PRDM16: variants seen among roughly 807,000 people sequenced by gnomAD.
PRDM16 encodes the protein histone-lysine N-methyltransferase PRDM16.
A neutral mutation model predicts 110.6 loss-of-function variants in PRDM16; 23 were observed. The observed-to-expected ratio is 0.21, with a 90% CI of 0.15 to 0.29. The LOEUF (loss-of-function observed/expected upper bound fraction) is 0.29, where lower values mean the gene tolerates loss of function less well. Ranked by LOEUF, PRDM16 falls within the 10% of genes least tolerant of loss-of-function variation. The pLI is 1.00. For missense variants in PRDM16, 1,615 were observed against 1,794.3 expected (o/e 0.90, Z 1.81); for synonymous variants, 799 against 781.8 (o/e 1.02, Z -0.37).
At chr1:3,114,385 G>GACGCGCACGCACGCGC (rs1270368872) in intron 1 of PRDM16, among the ~76,000 whole-genome samples, 12 of 117,380 alleles carry the variant, frequency 1.0e-4, no homozygotes, top group Non-Finnish European at 1.7e-4. Flanking sequence ...GGTGTAAACA[G>GACGCGCACGCACGCGC]ACGCGCACGC....
Position 3,412,322 on chromosome 1 carries a change from A to G in PRDM16, c.2125A>G (p.Met709Val). ...CGAGAAGTACTTTGGCCCCGGCTTC[A>G]TGGGGATGCAGGAGAAGAAGCTGGG... ...IAEKYFGPGFMGMQEKKLGSL... is the reference protein window; with the variant it reads ...IAEKYFGPGFVGMQEKKLGSL... The change falls in exon 9 of 17, where the codon ATG becomes GTG. Residue 709 changes from methionine (M) to valine (V), a missense_variant. Around this residue, in one of 5 missense-constraint regions of PRDM16, gnomAD observed 772 missense variants for 748.3 expected, o/e 1.03. Transcript: ENST00000270722. The G allele has an allele frequency of 6.2e-7, 1 of 1,613,820 alleles. No homozygotes were observed. Among genetic ancestry groups the G allele is most frequent in the Non-Finnish European group, 8.5e-7 (1 of 1,180,012 alleles).
At chr1:3,340,543 G>C (rs1258100668) in intron 3 of PRDM16, among the ~76,000 whole-genome samples, 1 of 152,106 alleles carries the variant, frequency 6.6e-6, no homozygotes, top group East Asian at 1.9e-4. Flanking sequence ...TACCATCTAC[G>C]TTTTTCCCCC....
chr1:3,319,361 G>A lies in PRDM16; in HGVS notation c.439-65791G>A, dbSNP rs762678028. ...AAAAAGGTCACTGTTTTATTCTGAC[G>A]TCCTTGGGTATTTATTCCAAAATGT... On this transcript the variant is annotated intron_variant, in intron 3 of 16. Coordinates refer to ENST00000270722, the MANE Select transcript of PRDM16 (RefSeq NM_022114.4). 2.6e-4 allele frequency among the ~76,000 whole-genome samples: 40 copies of A among 152,350 alleles called. 1 individual carries two copies. The highest frequency in any genetic ancestry group is 5.6e-4 in the Non-Finnish European group (38 of 68,032).
intron 3 of PRDM16, among the ~76,000 whole-genome samples, chr1:3,326,790 G>A (rs1025962276): frequency 4.6e-5 from 7 of 152,214 alleles, no homozygotes; most frequent in Non-Finnish European, 8.8e-5. Context: ...ACCAGCCGCC[G>A]CGTGGCCTGA....
In PRDM16 at chr1:3,425,897, C is replaced by T. The variant is rs1417654390; in HGVS notation, c.3109+147C>T. ...GGAAGCCAACAGGCACCCCTCAAAC[C>T]GTGGTCATTAAAGAGAACCTCGTGC... On this transcript the variant is annotated intron_variant, in intron 13 of 16. Transcript: ENST00000270722. This position sits in a 1 kb window ranked among gnomAD's most constrained non-coding sequence, Gnocchi z 6.9. 21 of 1,256,418 alleles carry T rather than the reference C, an allele frequency of 1.7e-5. No individual in the cohort carries two copies. Among genetic ancestry groups the T allele is most frequent in the South Asian group, 2.9e-5 (2 of 68,336 alleles). 77.8% of individuals were successfully genotyped at this position (1,256,418 alleles called of 1,614,324 possible). A position where few individuals can be genotyped will look rare whatever the true frequency, so the allele number is the denominator to read the frequency against.
At chr1:3,376,182 G>A (rs569365634) in intron 3 of PRDM16, among the ~76,000 whole-genome samples, 13 of 152,298 alleles carry the variant, frequency 8.5e-5, no homozygotes, top group African/African-American at 2.6e-4. Flanking sequence ...TGACCCCTGG[G>A]GGCTTCCACA....
intron 6 of PRDM16, 136 bp downstream of exon 6, chr1:3,403,134 C>A: frequency 1.2e-6 from 1 of 829,916 alleles, no homozygotes; most frequent in Non-Finnish European, 2.0e-6. Flanking sequence ...AGACAAAGGG[C>A]CCCCTGGTGG....
At chr1:3,234,332 C>T (rs1350435121) in intron 2 of PRDM16, among the ~76,000 whole-genome samples, 1 of 152,120 alleles carries the variant, frequency 6.6e-6, no homozygotes, top group Admixed American at 6.5e-5. Flanking sequence ...CTCTTGTCCC[C>T]GGGGCCCTGA....
rs142435829 is a variant in PRDM16 at position 3,205,506 on chromosome 1, G to T, written c.387+19032G>T. On this transcript the variant is annotated intron_variant, in intron 2 of 16. Transcript: ENST00000270722. The stretch of plus-strand genomic sequence containing the variant: ...AATGGACCAGCCAGAAACCCAAAAG[G>T]CCAGGAAAACAGAGGTGGGGGGCAG... Among the ~76,000 whole-genome samples the T allele has an allele frequency of 6.4e-3, 968 of 152,246 alleles. 7 individuals carry two copies. The highest frequency in any genetic ancestry group is 0.016 in the South Asian group (76 of 4,810).
chr1:3,133,058 T>C (rs1643366421), intron 1 of PRDM16: 1 of 152,292 alleles, frequency 6.6e-6, no homozygotes, highest in African/African-American at 2.4e-5. Context: ...CGTTCTGCCG[T>C]GCCTCTGACT....
intron 3 of PRDM16, among the ~76,000 whole-genome samples, chr1:3,351,688 C>T (rs112478788): frequency 1.5e-5 from 1 of 67,578 alleles, no homozygotes; most frequent in Non-Finnish European, 3.2e-5. Flanking sequence ...CTCTTTCTCT[C>T]CTCCCTCTGT....
chr1:3,101,255 G>A (rs1467787862), intron 1 of PRDM16, among the ~76,000 whole-genome samples: 2 of 152,146 alleles, frequency 1.3e-5, no homozygotes, highest in East Asian at 1.9e-4. Flanking sequence ...CCCATCCAAC[G>A]CACCTCAGCT....
chr1:3,360,343 C>T (rs573839457), intron 3 of PRDM16, among the ~76,000 whole-genome samples: 4 of 152,310 alleles, frequency 2.6e-5, no homozygotes, highest in African/African-American at 9.6e-5. Context: ...ATGGAGCACC[C>T]TCATGCTCTG....
At chr1:3,405,425 T>C in intron 7 of PRDM16, 70 bp from the exon 8 acceptor site, 2 of 1,473,144 alleles carry the variant, frequency 1.4e-6, no homozygotes, top group Non-Finnish European at 1.8e-6. Context: ...AGCCGGTTGG[T>C]CCGCCAGCCA....
intron 1 of PRDM16, among the ~76,000 whole-genome samples, chr1:3,171,656 T>C (rs1331473087): frequency 6.6e-6 from 1 of 152,174 alleles, no homozygotes; most frequent in East Asian, 1.9e-4. Context: ...TGTCCTGCCC[T>C]CCTCGGGCTG....
In PRDM16 at chr1:3,436,697, C is replaced by T. The variant is rs572913385; in HGVS notation, c.*2886C>T. 4 of 231,726 alleles carry T rather than the reference C, an allele frequency of 1.7e-5. No individual in the cohort carries two copies. The highest frequency in any genetic ancestry group is 5.6e-5 in the Admixed American group (1 of 17,744). 14.4% of individuals were successfully genotyped at this position (231,726 alleles called of 1,614,324 possible). On this transcript the variant is annotated 3_prime_UTR_variant, in exon 17 of 17. Transcript: ENST00000270722. Reference sequence around the variant, plus strand: ...ATGACAAGGGCCAGGGAGCCTGGCCCGGGTGTGAGAATTCAGAGATTCTGG... The same window carrying T: ...ATGACAAGGGCCAGGGAGCCTGGCCTGGGTGTGAGAATTCAGAGATTCTGG...
intron 10 of PRDM16, among the ~76,000 whole-genome samples, chr1:3,415,793 G>A (rs891054718): frequency 1.3e-5 from 2 of 152,248 alleles, no homozygotes; most frequent in Admixed American, 6.5e-5. Flanking sequence ...AGGAGGTGGG[G>A]GGCGGGAAGA....
rs1449164189 is a variant in PRDM16, at chr1:3,408,579, CGT to C, written c.1187-2801_1187-2800del. Among the ~76,000 whole-genome samples the C allele has an allele frequency of 6.2e-5, 8 of 129,998 alleles. No homozygotes were observed. In the East Asian group the frequency reaches 1.1e-3, roughly 18 times the overall value. 85.3% of individuals were successfully genotyped at this position (129,998 alleles called of 152,430 possible). ...GTGCATGTGTCGGTGCGTGTGAGAG[CGT>C]GTGAGTGTGGGTGTGTGAGCTGGTG... On this transcript the variant is annotated intron_variant, in intron 8 of 16. Transcript: ENST00000270722.
chr1:3,283,550 G>A (rs1640768992), intron 3 of PRDM16, among the ~76,000 whole-genome samples: 1 of 152,188 alleles, frequency 6.6e-6, no homozygotes, highest in Non-Finnish European at 1.5e-5. Context: ...ACAGAAGAGA[G>A]GGGACGGACA....
Sources: gnomAD v4.1 joint callset for allele counts (sites outside exome capture counted in the v4.1 genomes callset) on GRCh38, gnomAD v4.1.1 for gene constraint, gnomAD v4.1.1 regional missense constraint, Gnocchi (gnomAD v3.1) non-coding constraint, MANE v1.5 for transcripts, NCBI Gene and HGNC (gene_info 2026-07-23, HGNC 2026-07-21) for gene names.